The following CNIH4 variants were observed in gnomAD, a reference collection of about 807,000 sequenced individuals.
CNIH4 encodes protein cornichon homolog 4.
CNIH4 carries 9 observed loss-of-function variants against 21.5 expected under a neutral mutation model. That is an observed-to-expected ratio of 0.42 (90% CI 0.25 to 0.73). The LOEUF is 0.73. CNIH4 is among the 30% of genes least tolerant of loss of function. The pLI, the probability that CNIH4 is intolerant of heterozygous loss-of-function variation, is 0.27. For synonymous variants in CNIH4, 67 were observed against 59.1 expected (o/e 1.13, Z -0.61); for missense variants, 159 against 170.0 (o/e 0.94, Z 0.36).
rs1672436467 is a variant in CNIH4, at chr1:224,365,875, G to C, written c.139-4G>C. 2 of 1,541,142 alleles carry C rather than the reference G, an allele frequency of 1.3e-6. No homozygotes were observed. Among genetic ancestry groups the C allele is most frequent in the Non-Finnish European group, 1.8e-6 (2 of 1,113,660 alleles). On this transcript the variant is annotated splice_region_variant and splice_polypyrimidine_tract_variant and intron_variant, in intron 2 of 4. Transcript: ENST00000465271. Reference sequence around the variant, plus strand: ...AGATGTAATACTGTGTTCTTCCATTGCAGTGGGTAATTCCAGAATTGATTG... The same window carrying C: ...AGATGTAATACTGTGTTCTTCCATTCCAGTGGGTAATTCCAGAATTGATTG...
chr1:224,376,009 T>A lies in CNIH4; in HGVS notation c.*187T>A. The A allele has an allele frequency of 7.8e-7, 1 of 1,287,910 alleles. No individual in the cohort carries two copies. The highest frequency in any genetic ancestry group is 2.9e-5 in the East Asian group (1 of 34,544). 79.8% of individuals were successfully genotyped at this position (1,287,910 alleles called of 1,614,324 possible). On this transcript the variant is annotated 3_prime_UTR_variant, in exon 5 of 5. Coordinates refer to ENST00000465271, the MANE Select transcript of CNIH4 (RefSeq NM_014184.4). The stretch of plus-strand genomic sequence containing the variant: ...AAAACATGAATTGAGTTTCTGTAGA[T>A]TTCTAGTTCTCAACTTTAGCCTGAA...
Position 224,360,506 on chromosome 1 carries a change from G to T in CNIH4, c.81G>T (p.Leu27Phe), listed in dbSNP as rs113066197. ...IFLSVYFIITLSDLECDYINA... is the reference protein window; with the variant it reads ...IFLSVYFIITFSDLECDYINA... ...ATCTTGATCATCAGATAATTACATT[G>T]TCTGATTTAGAATGTGATTACATTA... The change falls in exon 2 of 5, where the codon TTG becomes TTT. Residue 27 changes from leucine to phenylalanine, a missense_variant. Transcript: ENST00000465271. 10 of 1,410,172 alleles carry T rather than the reference G, an allele frequency of 7.1e-6. No homozygotes were observed. In the South Asian group the frequency reaches 1.1e-4, roughly 16 times the overall value. 87.4% of individuals were successfully genotyped at this position (1,410,172 alleles called of 1,614,324 possible).
At chr1:224,370,419 G>A (rs974519015) in intron 3 of CNIH4, among the ~76,000 whole-genome samples, 5 of 152,192 alleles carry the variant, frequency 3.3e-5, no homozygotes, top group Admixed American at 2.6e-4. Flanking sequence ...GACAACTAAG[G>A]TTGTACTAGA....
chr1:224,372,572 TTTG>T (rs1241751038), intron 4 of CNIH4, among the ~76,000 whole-genome samples: 3 of 151,826 alleles, frequency 2.0e-5, no homozygotes, highest in Admixed American at 6.6e-5. Flanking sequence ...GGGTTTTTTT[TTTG>T]TTTGTTTTGT....
At chr1:224,368,087 T>G (rs944977444) in intron 3 of CNIH4, among the ~76,000 whole-genome samples, 1 of 152,224 alleles carries the variant, frequency 6.6e-6, no homozygotes, top group Admixed American at 6.5e-5. Context: ...TCCCAGCACT[T>G]TAAGAGGCTG....
Position 224,379,215 on chromosome 1 carries a change from C to T in CNIH4, c.*3393C>T. The T allele has an allele frequency of 1.0e-6, 1 of 953,914 alleles. No individual in the cohort carries two copies. Among genetic ancestry groups the T allele is most frequent in the Non-Finnish European group, 1.6e-6 (1 of 612,992 alleles). The allele number at this position is 953,914 out of a possible 1,614,324, so 59.1% of individuals were successfully genotyped here. ...GCCACAGACTACAGTAGGACAAAAC[C>T]TGACCTGGTCTTTGAAGTTAAGAGC... On this transcript the variant is annotated 3_prime_UTR_variant, in exon 5 of 5. Coordinates refer to ENST00000465271, the MANE Select transcript of CNIH4 (RefSeq NM_014184.4).
Position 224,376,007 on chromosome 1 carries a change from G to T in CNIH4, c.*185G>T. ...AAAAAACATGAATTGAGTTTCTGTA[G>T]ATTTCTAGTTCTCAACTTTAGCCTG... is the stretch of plus-strand genomic sequence containing the variant. On this transcript the variant is annotated 3_prime_UTR_variant, in exon 5 of 5. Transcript: ENST00000465271. The T allele has an allele frequency of 7.8e-7, 1 of 1,287,406 alleles. No individual in the cohort carries two copies. Among genetic ancestry groups the T allele is most frequent in the South Asian group, 2.7e-5 (1 of 36,740 alleles). The allele number at this position is 1,287,406 out of a possible 1,614,324, so 79.7% of individuals were successfully genotyped here. A position where few individuals can be genotyped will look rare whatever the true frequency, so the allele number is the denominator to read the frequency against.
intron 3 of CNIH4, among the ~76,000 whole-genome samples, chr1:224,368,971 C>T (rs1672546984): frequency 6.6e-6 from 1 of 150,774 alleles, no homozygotes; most frequent in African/African-American, 2.4e-5. Flanking sequence ...TTTTTCCTGC[C>T]CTAGTAGTAT....
rs1211513330 is a variant in CNIH4 at position 224,371,342 on chromosome 1, G to A, written c.311G>A (p.Arg104Gln). The A allele has an allele frequency of 6.2e-6, 10 of 1,613,894 alleles. No individual in the cohort carries two copies. The Admixed American group carries it at 8.3e-5, about 13-fold the overall frequency. ...TTTGATCCAACAGAAATACACAATC[G>A]AGGGCAGCTGAAGTCACACATGAAA... ...GVFDPTEIHN[R>Q]GQLKSHMKEA... Residue 104 changes from arginine (R) to glutamine (Q), a missense_variant, in exon 4 of 5, where the codon CGA becomes CAA. By Grantham distance (43) the Arg-to-Gln change is conservative. Coordinates refer to ENST00000465271, the MANE Select transcript of CNIH4 (RefSeq NM_014184.4).
In CNIH4 at chr1:224,366,085, A is replaced by C. The variant is rs1173806666; in HGVS notation, c.251+94A>C. ...AAGACAGGATCTTACTCTGTTACCC[A>C]GGCTGGAGTGCAGTGGTGTGATCTC... On this transcript the variant is annotated intron_variant, in intron 3 of 4. Coordinates refer to ENST00000465271, the MANE Select transcript of CNIH4 (RefSeq NM_014184.4). 3.8e-6 allele frequency: 3 copies of C among 796,512 alleles called. No individual in the cohort carries two copies. The East Asian group carries it at 7.5e-5, about 20-fold the overall frequency. The allele number at this position is 796,512 out of a possible 1,614,324, so 49.3% of individuals were successfully genotyped here. A position where few individuals can be genotyped will look rare whatever the true frequency, so the allele number is the denominator to read the frequency against.
At position 224,377,727 on chromosome 1, in the gene CNIH4, G is replaced by T. The variant is rs1672818804; in HGVS notation, c.*1905G>T. 1 of 152,254 alleles carries T rather than the reference G, an allele frequency of 6.6e-6. No individual in the cohort carries two copies. The highest frequency in any genetic ancestry group is 2.1e-4 in the South Asian group (1 of 4,832). 9.4% of individuals were successfully genotyped at this position (152,254 alleles called of 1,614,324 possible). On this transcript the variant is annotated 3_prime_UTR_variant, in exon 5 of 5. Coordinates refer to ENST00000465271, the MANE Select transcript of CNIH4 (RefSeq NM_014184.4). ...ACTCCTGACCTCAAACGATCTGCCT[G>T]CCTTGGTCTCCCAAAGTGCTGGGAT... is the stretch of plus-strand genomic sequence containing the variant.
intron 3 of CNIH4, among the ~76,000 whole-genome samples, chr1:224,367,266 G>A (rs1251076237): frequency 6.6e-6 from 1 of 152,116 alleles, no homozygotes; most frequent in African/African-American, 2.4e-5. Context: ...GTTGTAAAGT[G>A]CAGTTAGAAT....
At chr1:224,364,137 C>T in intron 2 of CNIH4, 5 of 983,608 alleles carry the variant, frequency 5.1e-6, no homozygotes, top group Non-Finnish European at 6.0e-6. Flanking sequence ...CACCTGTCCC[C>T]AGTACTTTGG....
intron 2 of CNIH4, chr1:224,364,450 C>A: frequency 1.1e-6 from 1 of 872,190 alleles, no homozygotes; most frequent in South Asian, 5.3e-5. Context: ...ACAACAACTT[C>A]GTGAGGTAGG....
At chr1:224,366,066 G>GGAT in intron 3 of CNIH4, 75 bp downstream of exon 3, 1 of 914,874 alleles carries the variant, frequency 1.1e-6, no homozygotes, top group Non-Finnish European at 1.8e-6. Flanking sequence ...TTTCAAGACA[G>GGAT]GATCTTACTC....
At chr1:224,359,505 G>A (rs1040344750) in intron 1 of CNIH4, among the ~76,000 whole-genome samples, 2 of 152,202 alleles carry the variant, frequency 1.3e-5, no homozygotes, top group Non-Finnish European at 2.9e-5. Flanking sequence ...ACTTGTGTCA[G>A]TAACAGAAAT....
chr1:224,362,019 G>A (rs1415383896), intron 2 of CNIH4, among the ~76,000 whole-genome samples: 1 of 151,874 alleles, frequency 6.6e-6, no homozygotes, highest in African/African-American at 2.4e-5. Flanking sequence ...TTTTCTTTCA[G>A]AATTTTAAAG....
At chr1:224,374,853 A>G (rs1672736711) in intron 4 of CNIH4, among the ~76,000 whole-genome samples, 1 of 152,260 alleles carries the variant, frequency 6.6e-6, no homozygotes, top group African/African-American at 2.4e-5. Flanking sequence ...AAATCTTTAA[A>G]AAATATTAGC....
chr1:224,371,391 C>T lies in CNIH4; in HGVS notation c.360C>T (p.Phe120=). Residue 120 remains phenylalanine, a synonymous_variant, in exon 4 of 5, where the codon TTC becomes TTT. Coordinates refer to ENST00000465271, the MANE Select transcript of CNIH4 (RefSeq NM_014184.4). The part of the protein sequence containing the change: ...HMKEAMIKLG[F]HLLCFFMYLY... The stretch of plus-strand genomic sequence containing the variant: ...AAGAAGCCATGATCAAGCTTGGTTT[C>T]CACTTGCTCTGCTTCTTCATGTATC... 1 of 1,614,050 alleles carries T rather than the reference C, an allele frequency of 6.2e-7. No individual in the cohort carries two copies. Among genetic ancestry groups the T allele is most frequent in the South Asian group, 1.1e-5 (1 of 91,062 alleles).
Sources: allele counts gnomAD v4.1 joint callset (sites outside exome capture counted in the v4.1 genomes callset), GRCh38; gene constraint gnomAD v4.1.1; transcripts MANE v1.5; gene names NCBI Gene and HGNC (gene_info 2026-07-23, HGNC 2026-07-21).